HCK: variants seen among roughly 807,000 people sequenced by gnomAD.
The protein encoded by HCK is tyrosine-protein kinase HCK.
In HCK, 40 loss-of-function variants were observed where a neutral mutation model predicts 70.4. That is an observed-to-expected ratio of 0.57 (90% CI 0.44 to 0.74). The LOEUF is 0.74. Ranked by LOEUF, HCK falls within the 30% of genes least tolerant of loss-of-function variation. The probability of loss-of-function intolerance (pLI) is 0.00; values close to 1 mark genes in which losing one functional copy is unlikely to be tolerated. For missense variants in HCK, 568 were observed against 697.2 expected (o/e 0.81, Z 2.09); for synonymous variants, 245 against 263.2 (o/e 0.93, Z 0.67).
chr20:32,093,490 CGTGTGT>C lies in HCK; in HGVS notation c.1093-345_1093-340del, dbSNP rs3073297. On this transcript the variant is annotated intron_variant, in intron 10 of 12. Transcript: ENST00000375852. ...AAGCTCTTCATAGTATCCTAGGGTTCGTGTGTGTGTGTGTGTGTGTGTGTGTGTGTG... is the reference window on the plus strand; with the variant it reads ...AAGCTCTTCATAGTATCCTAGGGTTCGTGTGTGTGTGTGTGTGTGTGTGTG... 9.0e-3 allele frequency among the ~76,000 whole-genome samples: 1,322 copies of C among 146,408 alleles called. 19 individuals carry two copies. The highest frequency in any genetic ancestry group is 0.029 in the African/African-American group (1,143 of 39,874).
chr20:32,094,795 A>G (rs1034502718), intron 11 of HCK, among the ~76,000 whole-genome samples: 730 of 21,994 alleles, frequency 0.033, 21 homozygotes, highest in Admixed American at 0.05. Flanking sequence ...AAGAGAAAGA[A>G]AGAAAGAAAG....
Position 32,099,005 on chromosome 20 carries a change from G to A in HCK, c.1248G>A (p.Gly416=). ...ACTCTGCTCTGTTCAACCCTGCAGGGGCCAAGTTCCCCATCAAGTGGACAG... is the reference window on the plus strand; with the variant it reads ...ACTCTGCTCTGTTCAACCCTGCAGGAGCCAAGTTCCCCATCAAGTGGACAG... The change falls in exon 12 of 13, where the codon GGG becomes GGA. Residue 416 remains glycine, a splice_region_variant and synonymous_variant. Coordinates refer to ENST00000375852, the MANE Select transcript of HCK (RefSeq NM_002110.5). 4 of 1,613,990 alleles carry A rather than the reference G, an allele frequency of 2.5e-6. No individual in the cohort carries two copies. Among genetic ancestry groups the A allele is most frequent in the African/African-American group, 1.3e-5 (1 of 75,008 alleles).
intron 8 of HCK, 29 bp from the exon 9 acceptor site, chr20:32,086,599 C>G: frequency 6.4e-6 from 10 of 1,570,808 alleles, no homozygotes; most frequent in Non-Finnish European, 7.8e-6. Context: ...GGGCTCTGAC[C>G]ACCTTCCCTG....
At chr20:32,085,818 AG>A (rs2045777234) in intron 8 of HCK, among the ~76,000 whole-genome samples, 1 of 152,212 alleles carries the variant, frequency 6.6e-6, no homozygotes, top group Admixed American at 6.5e-5. Context: ...AGTGACCTGC[AG>A]GGTGACTGGC....
In HCK at chr20:32,101,544, G is replaced by A. The variant is rs992309836; in HGVS notation, c.*25G>A. The A allele has an allele frequency of 1.3e-6, 2 of 1,591,496 alleles. No homozygotes were observed. The highest frequency in any genetic ancestry group is 1.7e-5 in the Admixed American group (1 of 57,262). ...ATAGGGAGGACCAGGGCAGGGCCAG[G>A]GGGTGCCCAGGTGGTGGCTGCAAGG... On this transcript the variant is annotated 3_prime_UTR_variant, in exon 13 of 13. Coordinates refer to ENST00000375852, the MANE Select transcript of HCK (RefSeq NM_002110.5).
At chr20:32,065,631 T>C (rs1442298089) in intron 1 of HCK, among the ~76,000 whole-genome samples, 3 of 152,144 alleles carry the variant, frequency 2.0e-5, no homozygotes, top group African/African-American at 4.8e-5. Context: ...GGGTGCTTTT[T>C]CCCTAATTTT....
At chr20:32,063,934 T>C (rs894983028) in intron 1 of HCK, among the ~76,000 whole-genome samples, 10 of 149,326 alleles carry the variant, frequency 6.7e-5, no homozygotes, top group Non-Finnish European at 1.0e-4. Context: ...TTTTTCCAGC[T>C]AGAAACCAAG....
At chr20:32,077,071 G>A (rs1182221586) in intron 5 of HCK, among the ~76,000 whole-genome samples, 5 of 152,044 alleles carry the variant, frequency 3.3e-5, no homozygotes, top group South Asian at 4.2e-4. Context: ...ACAACAGAGC[G>A]AGACTCTATC....
In HCK at chr20:32,084,061, G is replaced by T. The variant is rs1181039381; in HGVS notation, c.682+18G>T. 6.2e-7 allele frequency: 1 copy of T among 1,610,410 alleles called. No homozygotes were observed. The highest frequency in any genetic ancestry group is 1.7e-5 in the Admixed American group (1 of 59,424). On this transcript the variant is annotated intron_variant, in intron 7 of 12. Coordinates refer to ENST00000375852, the MANE Select transcript of HCK (RefSeq NM_002110.5). ...CTACAAGAGTGAGTCCCACCCCAGG[G>T]GTGACATCCCCACCACGATGGGCCC...
At chr20:32,067,475 T>G (rs1009963182) in intron 1 of HCK, among the ~76,000 whole-genome samples, 1 of 151,686 alleles carries the variant, frequency 6.6e-6, no homozygotes, top group Admixed American at 6.6e-5. Context: ...TGTAATTGTG[T>G]GTCCAGTCTC....
chr20:32,099,053 C>T lies in HCK; in HGVS notation c.1296C>T (p.Gly432=). 1 of 1,614,152 alleles carries T rather than the reference C, an allele frequency of 6.2e-7. No homozygotes were observed. The change falls in exon 12 of 13, where the codon GGC becomes GGT. Residue 432 remains glycine, a synonymous_variant. Transcript: ENST00000375852. ...CAGCTCCTGAAGCCATCAACTTTGG[C>T]TCCTTCACCATCAAGTCAGACGTCT...
At chr20:32,073,448 A>G in intron 3 of HCK, 87 bp downstream of exon 3, 2 of 1,181,262 alleles carry the variant, frequency 1.7e-6, no homozygotes, top group South Asian at 2.7e-5. Context: ...CATAAATCCC[A>G]AACAGTCAAA....
intron 5 of HCK, 33 bp downstream of exon 5, chr20:32,074,754 G>T: frequency 1.3e-6 from 2 of 1,514,836 alleles, no homozygotes; most frequent in South Asian, 1.1e-5. Flanking sequence ...TCCAGAAAGA[G>T]GCATGAGCAA....
In HCK at chr20:32,052,797, A is replaced by T. The variant is rs866672308; in HGVS notation, c.62+311A>T. On this transcript the variant is annotated intron_variant, in intron 1 of 12. Transcript: ENST00000375852. ...TTCCCCTTCTTGGGGGGGGGCGGGG[A>T]TTTTTTTTTTAATTTAAAAAAGAAA... Among the ~76,000 whole-genome samples, 575 of 112,378 alleles carry T rather than the reference A, an allele frequency of 5.1e-3. 16 individuals are homozygous for T. The highest frequency in any genetic ancestry group is 0.018 in the African/African-American group (505 of 28,064). The allele number at this position is 112,378 out of a possible 152,430, so 73.7% of individuals were successfully genotyped here.
At chr20:32,074,149 T>C (rs977521676) in intron 4 of HCK, among the ~76,000 whole-genome samples, 1 of 152,158 alleles carries the variant, frequency 6.6e-6, no homozygotes, top group Non-Finnish European at 1.5e-5. Context: ...TCCTTGGATC[T>C]CTGAGTTTGC....
chr20:32,087,174 C>A (rs1222605020), intron 9 of HCK, among the ~76,000 whole-genome samples: 1 of 152,238 alleles, frequency 6.6e-6, no homozygotes, highest in Non-Finnish European at 1.5e-5. Flanking sequence ...CCTGTACTTG[C>A]CAAAGCCCTG....
chr20:32,071,609 C>T, intron 1 of HCK, 53 bp from the exon 2 acceptor site: 1 of 1,596,766 alleles, frequency 6.3e-7, no homozygotes, highest in Non-Finnish European at 8.5e-7. Flanking sequence ...CAGAAGACTT[C>T]CCCGCATGAG....
rs375537109 is a variant in HCK at position 32,071,695 on chromosome 20, C to T, written c.96C>T (p.Val32=). Residue 32 remains valine, a synonymous_variant, in exon 2 of 13, where the codon GTC becomes GTT. Coordinates refer to ENST00000375852, the MANE Select transcript of HCK (RefSeq NM_002110.5). ...GCATGAAGTCCAAGTTCCTCCAGGT[C>T]GGAGGCAATACATTCTCAAAAACTG... The T allele has an allele frequency of 3.9e-5, 63 of 1,614,002 alleles. No homozygotes were observed. Among genetic ancestry groups the T allele is most frequent in the Admixed American group, 1.0e-4 (6 of 59,988 alleles).
intron 10 of HCK, among the ~76,000 whole-genome samples, chr20:32,089,720 GAAA>G (rs2122599092): frequency 6.6e-6 from 1 of 152,332 alleles, no homozygotes; most frequent in East Asian, 1.9e-4. Context: ...TGATGTCTGG[GAAA>G]ACAGAGTGTA....
Sources: gnomAD v4.1 joint callset for allele counts (sites outside exome capture counted in the v4.1 genomes callset) on GRCh38, gnomAD v4.1.1 for gene constraint, MANE v1.5 for transcripts, NCBI Gene and HGNC (gene_info 2026-07-23, HGNC 2026-07-21) for gene names.